The following DCC variants were observed in gnomAD, a reference collection of about 807,000 sequenced individuals.
DCC encodes netrin receptor DCC.
In DCC, 58 loss-of-function variants were observed where a neutral mutation model predicts 172.5. The observed-to-expected ratio is 0.34, with a 90% CI of 0.27 to 0.42. The LOEUF is 0.42. Ranked by LOEUF, DCC falls within the 10% of genes least tolerant of loss-of-function variation. The probability of loss-of-function intolerance (pLI) is 1.00; values close to 1 mark genes in which losing one functional copy is unlikely to be tolerated. For synonymous variants in DCC, 709 were observed against 644.5 expected (o/e 1.10, Z -1.52); for missense variants, 1,740 against 1,791.0 (o/e 0.97, Z 0.51).
intron 12 of DCC, among the ~76,000 whole-genome samples, chr18:53,269,962 G>GA (rs2144703706): frequency 6.6e-6 from 1 of 152,240 alleles, no homozygotes; most frequent in African/African-American, 2.4e-5. Context: ...TTCTAGAAGA[G>GA]AAATATACTA....
chr18:53,375,432 C>T (rs2058100209), intron 15 of DCC, among the ~76,000 whole-genome samples: 1 of 152,088 alleles, frequency 6.6e-6, no homozygotes, highest in Admixed American at 6.6e-5. Context: ...GATATGCTTC[C>T]TCTTTTTGTT....
chr18:52,853,075 T>C (rs1215805331), intron 2 of DCC, among the ~76,000 whole-genome samples: 2 of 152,196 alleles, frequency 1.3e-5, no homozygotes, highest in Non-Finnish European at 2.9e-5. Context: ...TTTATATTAA[T>C]TGTTCAATTC....
At chr18:53,232,319 C>G (rs2056134968) in intron 12 of DCC, among the ~76,000 whole-genome samples, 1 of 152,152 alleles carries the variant, frequency 6.6e-6, no homozygotes, top group African/African-American at 2.4e-5. Context: ...TGTCATGTGA[C>G]TATTAGACAT....
At chr18:53,195,108 T>C (rs917748762) in intron 9 of DCC, among the ~76,000 whole-genome samples, 1 of 152,196 alleles carries the variant, frequency 6.6e-6, no homozygotes, top group Admixed American at 6.5e-5. Context: ...GAGTATTTAA[T>C]ACTTGGCCCA....
chr18:53,071,448 A>G (rs544871199), intron 7 of DCC, among the ~76,000 whole-genome samples: 2 of 152,346 alleles, frequency 1.3e-5, no homozygotes, highest in East Asian at 1.9e-4. Context: ...AGGAGGTTCT[A>G]TCAATAATGG....
At chr18:52,883,813 C>T (rs1359381371) in intron 2 of DCC, among the ~76,000 whole-genome samples, 1 of 151,764 alleles carries the variant, frequency 6.6e-6, no homozygotes, top group Non-Finnish European at 1.5e-5. Context: ...ACCTTCAGAT[C>T]ATTTCATATT....
chr18:52,458,186 C>A (rs1231928), intron 1 of DCC, among the ~76,000 whole-genome samples: 1 of 152,190 alleles, frequency 6.6e-6, no homozygotes, highest in Non-Finnish European at 1.5e-5. Context: ...TGCTTCATAT[C>A]TCATGTTAAC....
At chr18:53,088,970 A>G (rs1185493220) in intron 7 of DCC, among the ~76,000 whole-genome samples, 2 of 152,240 alleles carry the variant, frequency 1.3e-5, no homozygotes, top group Non-Finnish European at 2.9e-5. Context: ...AAGTAACTCT[A>G]TGCAGTTGTG....
At position 52,973,820 on chromosome 18, in the gene DCC, C is replaced by T. The variant is rs180993559; in HGVS notation, c.985+48450C>T. Among the ~76,000 whole-genome samples the T allele has an allele frequency of 1.8e-3, 278 of 152,276 alleles. 1 individual carries two copies. Among genetic ancestry groups the T allele is most frequent in the African/African-American group, 6.6e-3 (273 of 41,570 alleles). On this transcript the variant is annotated intron_variant, in intron 5 of 28. Coordinates refer to ENST00000442544, the MANE Select transcript of DCC (RefSeq NM_005215.4). ...TTTTTTCTTCTTTTCTTAACCAACA[C>T]ATTTTCACTGGAGGCTTATTTATCT...
intron 1 of DCC, among the ~76,000 whole-genome samples, chr18:52,390,225 TTC>T (rs1985978444): frequency 6.6e-6 from 1 of 152,136 alleles, no homozygotes; most frequent in Non-Finnish European, 1.5e-5. Flanking sequence ...TGTATTTCTG[TTC>T]TTTCCCCATT....
At chr18:53,364,319 C>T (rs1037713855) in intron 15 of DCC, among the ~76,000 whole-genome samples, 5 of 151,966 alleles carry the variant, frequency 3.3e-5, no homozygotes, top group African/African-American at 1.2e-4. Flanking sequence ...CTTAATATTT[C>T]TATTTTTTTT....
At chr18:53,496,807 A>T (rs1226604404) in intron 26 of DCC, among the ~76,000 whole-genome samples, 1 of 152,254 alleles carries the variant, frequency 6.6e-6, no homozygotes, top group African/African-American at 2.4e-5. Flanking sequence ...GGAGCTGAAA[A>T]ACACAGCACA....
chr18:52,475,151 G>A (rs970170440), intron 1 of DCC, among the ~76,000 whole-genome samples: 1 of 152,114 alleles, frequency 6.6e-6, no homozygotes, highest in African/African-American at 2.4e-5. Flanking sequence ...TCATCTATCT[G>A]CATTTTACTT....
In DCC at chr18:53,523,211, G is replaced by A. The variant is rs553530679; in HGVS notation, c.4112-3406G>A. On this transcript the variant is annotated intron_variant, in intron 27 of 28. Transcript: ENST00000442544. The stretch of plus-strand genomic sequence containing the variant: ...GAGAAATGCAAATCAAAATCACCAC[G>A]AGATACCATCTCACACCAGTTAGAA... 3.9e-5 allele frequency among the ~76,000 whole-genome samples: 6 copies of A among 152,222 alleles called. No individual in the cohort carries two copies. The East Asian group carries it at 5.8e-4, about 15-fold the overall frequency.
Position 53,317,621 on chromosome 18 carries a change from G to T in DCC, c.2054-4426G>T, listed in dbSNP as rs973476263. Reference sequence around the variant, plus strand: ...ATCCATCTGGTCCCAGGCTTTTTTTGGTTGGTAGGCTATTTCTGCATCAAT... The same window carrying T: ...ATCCATCTGGTCCCAGGCTTTTTTTTGTTGGTAGGCTATTTCTGCATCAAT... On this transcript the variant is annotated intron_variant, in intron 13 of 28. Coordinates refer to ENST00000442544, the MANE Select transcript of DCC (RefSeq NM_005215.4). Among the ~76,000 whole-genome samples the T allele has an allele frequency of 2.6e-5, 4 of 151,956 alleles. No homozygotes were observed. In the East Asian group the frequency reaches 7.7e-4, roughly 29 times the overall value.
chr18:52,939,866 T>A (rs1002705203), intron 5 of DCC, among the ~76,000 whole-genome samples: 1 of 152,134 alleles, frequency 6.6e-6, no homozygotes, highest in African/African-American at 2.4e-5. Context: ...AATGAGCTGG[T>A]CAAACAAGTA....
intron 12 of DCC, among the ~76,000 whole-genome samples, chr18:53,269,070 T>C (rs1285737388): frequency 6.6e-6 from 1 of 152,084 alleles, no homozygotes; most frequent in Non-Finnish European, 1.5e-5. Context: ...TTCACAACAA[T>C]TATCCTGATA....
At chr18:53,305,832 G>T in intron 13 of DCC, 113 bp downstream of exon 13, 2 of 1,099,884 alleles carry the variant, frequency 1.8e-6, no homozygotes, top group Admixed American at 1.7e-5. Context: ...ATCCAGGCAG[G>T]TGACATCTAT....
intron 1 of DCC, among the ~76,000 whole-genome samples, chr18:52,400,235 A>T: frequency 6.6e-6 from 1 of 152,026 alleles, no homozygotes; most frequent in East Asian, 1.9e-4. Context: ...GGAATATAAA[A>T]TATGAAACTG....
Sources: allele counts gnomAD v4.1 joint callset (sites outside exome capture counted in the v4.1 genomes callset), GRCh38; gene constraint gnomAD v4.1.1; transcripts MANE v1.5; gene names NCBI Gene and HGNC (gene_info 2026-07-23, HGNC 2026-07-21).